The following NTMT2 variants were observed in gnomAD, a reference collection of about 807,000 sequenced individuals.
NTMT2 encodes the protein X-Pro-Lys N-terminal protein methyltransferase 1B.
Under a neutral mutation model 23.4 loss-of-function variants are expected in NTMT2, and 21 were observed. That is an observed-to-expected ratio of 0.90 (90% confidence interval 0.64 to 1.29). The LOEUF (loss-of-function observed/expected upper bound fraction) is 1.29, where lower values mean the gene tolerates loss of function less well. NTMT2 is among the 50% of genes most tolerant of loss of function. The probability of loss-of-function intolerance (pLI) is 0.00; values close to 1 mark genes in which losing one functional copy is unlikely to be tolerated. For synonymous variants in NTMT2, 131 were observed against 127.7 expected (o/e 1.03, Z -0.17); for missense variants, 336 against 352.0 (o/e 0.95, Z 0.36).
chr1:170,164,111 G>T, intron 2 of NTMT2, among the ~76,000 whole-genome samples: 1 of 108,348 alleles, frequency 9.2e-6, no homozygotes, highest in South Asian at 3.9e-4. Context: ...GACAGAATGA[G>T]ACTCTATCTC....
chr1:170,165,293 C>A (rs894665294), intron 2 of NTMT2, among the ~76,000 whole-genome samples: 2 of 152,260 alleles, frequency 1.3e-5, no homozygotes, highest in Middle Eastern at 3.4e-3. Flanking sequence ...GCTGATTTCT[C>A]CCTACCTCCA....
intron 2 of NTMT2, among the ~76,000 whole-genome samples, chr1:170,165,263 G>A (rs1231607673): frequency 6.6e-6 from 1 of 152,118 alleles, no homozygotes; most frequent in African/African-American, 2.4e-5. Context: ...ATGGAAGCAA[G>A]TTTGAGAAAG....
chr1:170,151,295 GTACCTAGCATAA>G (rs1377313725), intron 1 of NTMT2: 1 of 154,052 alleles, frequency 6.5e-6, no homozygotes, highest in Non-Finnish European at 1.5e-5. Context: ...TGACTTGAAA[GTACCTAGCATAA>G]TACCTGGCAC....
chr1:170,154,564 C>A (rs1004036202), intron 1 of NTMT2, among the ~76,000 whole-genome samples: 2 of 152,166 alleles, frequency 1.3e-5, no homozygotes, highest in African/African-American at 2.4e-5. Context: ...TTGTGAGGGA[C>A]CTTTAACCCC....
intron 1 of NTMT2, among the ~76,000 whole-genome samples, chr1:170,148,871 T>C (rs746700521): frequency 6.6e-6 from 1 of 152,138 alleles, no homozygotes; most frequent in Non-Finnish European, 1.5e-5. Flanking sequence ...GTCTACTAGC[T>C]CTTAAAAACT....
At chr1:170,148,486 T>A (rs187916132) in intron 1 of NTMT2, among the ~76,000 whole-genome samples, 39 of 152,152 alleles carry the variant, frequency 2.6e-4, no homozygotes, top group African/African-American at 9.2e-4. Context: ...TGCCTTCATT[T>A]TACTTATTTG....
chr1:170,147,476 T>C (rs1306303444), intron 1 of NTMT2, among the ~76,000 whole-genome samples: 2 of 152,196 alleles, frequency 1.3e-5, no homozygotes, highest in South Asian at 2.1e-4. Flanking sequence ...GGGCTTTTTT[T>C]TGGTAGATCA....
chr1:170,146,996 C>T (rs1187976301), intron 1 of NTMT2, among the ~76,000 whole-genome samples: 1 of 152,178 alleles, frequency 6.6e-6, no homozygotes, highest in Non-Finnish European at 1.5e-5. Flanking sequence ...GAGTAAAATA[C>T]CCTTCTCCCT....
At chr1:170,158,743 A>ATATC (rs1557907461) in intron 1 of NTMT2, among the ~76,000 whole-genome samples, 1 of 151,748 alleles carries the variant, frequency 6.6e-6, no homozygotes, top group Admixed American at 6.6e-5. Flanking sequence ...TCTGTTTTGC[A>ATATC]TATCTATCTT....
chr1:170,146,201 A>G lies in NTMT2; in HGVS notation c.94A>G (p.Lys32Glu), dbSNP rs962249865. 1 of 1,551,260 alleles carries G rather than the reference A, an allele frequency of 6.4e-7. No homozygotes were observed. The highest frequency in any genetic ancestry group is 8.7e-7 in the Non-Finnish European group (1 of 1,146,936). Residue 32 changes from lysine to glutamate, a missense_variant, in exon 1 of 4, where the codon AAA (lysine) becomes GAA (glutamate). Physicochemically the swap from Lys to Glu is moderately conservative, Grantham distance 56. Coordinates refer to ENST00000439373, the MANE Select transcript of NTMT2 (RefSeq NM_001136107.2). ...ACATAGCATGTCTTTTATCCTTCAC[A>G]AAGCCATTCGCAATGACTTCTTTCA... is the stretch of plus-strand genomic sequence containing the variant. ...CRHSMSFILH[K>E]AIRNDFFQSY... is the part of the protein sequence containing the mutation.
chr1:170,150,129 G>T (rs10919308), intron 1 of NTMT2, among the ~76,000 whole-genome samples: 3,963 of 152,216 alleles, frequency 0.026, 159 homozygotes, highest in African/African-American at 0.09. Context: ...TGGAAAGAAC[G>T]GTGGCTAACC....
chr1:170,163,491 G>T (rs1262982849), intron 2 of NTMT2, among the ~76,000 whole-genome samples: 1 of 152,228 alleles, frequency 6.6e-6, no homozygotes, highest in Non-Finnish European at 1.5e-5. Context: ...ATACCAAGAT[G>T]ATGTCAATGC....
intron 2 of NTMT2, among the ~76,000 whole-genome samples, chr1:170,163,455 T>C (rs369475732): frequency 2.0e-5 from 3 of 152,262 alleles, no homozygotes; most frequent in East Asian, 3.8e-4. Flanking sequence ...GTTGCAAATG[T>C]ATTTACTTTA....
At chr1:170,162,600 A>T (rs1406030228) in intron 2 of NTMT2, among the ~76,000 whole-genome samples, 2 of 152,232 alleles carry the variant, frequency 1.3e-5, no homozygotes, top group Non-Finnish European at 2.9e-5. Context: ...TGAGAGAGTC[A>T]ATCTGCTAAG....
Position 170,146,063 on chromosome 1 carries a change from G to C in NTMT2, c.-45G>C. The C allele has an allele frequency of 6.6e-7, 1 of 1,509,908 alleles. No homozygotes were observed. Among genetic ancestry groups the C allele is most frequent in the Non-Finnish European group, 8.9e-7 (1 of 1,124,398 alleles). 93.5% of individuals were successfully genotyped at this position (1,509,908 alleles called of 1,614,324 possible). On this transcript the variant is annotated 5_prime_UTR_variant, in exon 1 of 4. Coordinates refer to ENST00000439373, the MANE Select transcript of NTMT2 (RefSeq NM_001136107.2). ...AAGGCTAATTCAAAGAAACAGCAAG[G>C]CAAGCTTCCTTTCTCTGTAGGAATC...
In NTMT2 at chr1:170,167,929, C is replaced by A; in HGVS notation, c.*172C>A. 1.4e-6 allele frequency: 1 copy of A among 707,560 alleles called. No individual in the cohort carries two copies. Among genetic ancestry groups the A allele is most frequent in the Non-Finnish European group, 2.3e-6 (1 of 443,022 alleles). The allele number at this position is 707,560 out of a possible 1,614,324, so 43.8% of individuals were successfully genotyped here. On this transcript the variant is annotated 3_prime_UTR_variant, in exon 4 of 4. Transcript: ENST00000439373. ...ACATGTTTTCAGTGATTATATAATG[C>A]ACACACTCTGATGAGACATGCACAA...
rs763769156 is a variant in NTMT2 at position 170,155,000 on chromosome 1, G to A, written c.155-5518G>A. 9.2e-5 allele frequency among the ~76,000 whole-genome samples: 14 copies of A among 151,896 alleles called. 1 individual carries two copies. The highest frequency in any genetic ancestry group is 1.8e-4 in the Non-Finnish European group (12 of 67,976). ...ATGAGATCTGGTTGTTTAAAAGTGTGTGACACCCCACCCCTCCCCTTGCTC... is the reference window on the plus strand; with the variant it reads ...ATGAGATCTGGTTGTTTAAAAGTGTATGACACCCCACCCCTCCCCTTGCTC... On this transcript the variant is annotated intron_variant, in intron 1 of 3. Transcript: ENST00000439373.
chr1:170,154,825 C>A (rs914171075), intron 1 of NTMT2, among the ~76,000 whole-genome samples: 2 of 152,008 alleles, frequency 1.3e-5, no homozygotes, highest in African/African-American at 2.4e-5. Flanking sequence ...AGGGCCAGGG[C>A]AGAATCATAT....
chr1:170,146,211 G>A lies in NTMT2; in HGVS notation c.104G>A (p.Arg35His), dbSNP rs563034975. ...TCTTTTATCCTTCACAAAGCCATTC[G>A]CAATGACTTCTTTCAGAGCTATCTC... ...SMSFILHKAIRNDFFQSYLYL... is the reference protein window; with the variant it reads ...SMSFILHKAIHNDFFQSYLYL... Residue 35 changes from arginine (R) to histidine (H), a missense_variant, in exon 1 of 4, where the codon CGC (arginine) becomes CAC (histidine). By Grantham distance (29) the Arg-to-His change is conservative. Transcript: ENST00000439373. 66 of 1,550,698 alleles carry A rather than the reference G, an allele frequency of 4.3e-5. No individual in the cohort carries two copies. Among genetic ancestry groups the A allele is most frequent in the Middle Eastern group, 1.7e-4 (1 of 5,988 alleles).
Sources: allele counts gnomAD v4.1 joint callset (sites outside exome capture counted in the v4.1 genomes callset), GRCh38; gene constraint gnomAD v4.1.1; transcripts MANE v1.5; gene names NCBI Gene and HGNC (gene_info 2026-07-23, HGNC 2026-07-21).